Variants in BCHE observed in about 807,000 individuals in gnomAD.
BCHE encodes the protein cholinesterase.
A neutral mutation model predicts 51.3 loss-of-function variants in BCHE; 48 were observed. The observed-to-expected ratio is 0.94, with a 90% CI of 0.74 to 1.19. The LOEUF is 1.19. Among genes scored for constraint, BCHE ranks in the 50% most tolerant of loss-of-function variants. BCHE has a pLI of 0.00. For synonymous variants in BCHE, 251 were observed against 238.0 expected (o/e 1.05, Z -0.50); for missense variants, 847 against 708.2 (o/e 1.20, Z -2.23).
chr3:165,837,264 T>C (rs1165506666), intron 1 of BCHE, 50 bp downstream of exon 1: 4 of 1,151,790 alleles, frequency 3.5e-6, no homozygotes, highest in Non-Finnish European at 3.5e-6. Context: ...AGAATGAGCT[T>C]TACAGTAACT....
In BCHE at chr3:165,773,249, G is replaced by T; in HGVS notation, c.*133C>A. ...GTAAAATACTAAGTTAAAGATGTGA[G>T]GAATCAATATTATCCTTCTGGCATT... On this transcript the variant is annotated 3_prime_UTR_variant, in exon 4 of 4. Coordinates refer to ENST00000264381, the MANE Select transcript of BCHE (RefSeq NM_000055.4). 1 of 787,998 alleles carries T rather than the reference G, an allele frequency of 1.3e-6. No homozygotes were observed. Among genetic ancestry groups the T allele is most frequent in the Non-Finnish European group, 2.0e-6 (1 of 500,354 alleles). 48.8% of individuals were successfully genotyped at this position (787,998 alleles called of 1,614,324 possible).
chr3:165,796,445 A>T (rs1212045686), intron 2 of BCHE, among the ~76,000 whole-genome samples: 2 of 152,310 alleles, frequency 1.3e-5, no homozygotes, highest in South Asian at 2.1e-4. Context: ...TTTTATTACT[A>T]GATCCTAATG....
At chr3:165,798,735 G>A (rs1713523240) in intron 2 of BCHE, among the ~76,000 whole-genome samples, 1 of 152,006 alleles carries the variant, frequency 6.6e-6, no homozygotes, top group Non-Finnish European at 1.5e-5. Flanking sequence ...TATAATCCTA[G>A]CTACTTGGGA....
intron 2 of BCHE, among the ~76,000 whole-genome samples, chr3:165,828,397 T>C (rs1409741730): frequency 3.3e-5 from 5 of 152,072 alleles, no homozygotes; most frequent in Admixed American, 1.3e-4. Flanking sequence ...GGTGGAAGAA[T>C]TATAACTTTA....
chr3:165,790,641 C>T (rs1302961896), intron 2 of BCHE, among the ~76,000 whole-genome samples: 1 of 152,060 alleles, frequency 6.6e-6, no homozygotes, highest in Non-Finnish European at 1.5e-5. Flanking sequence ...GGACCAATTT[C>T]GAAGACTGGA....
intron 2 of BCHE, among the ~76,000 whole-genome samples, chr3:165,811,439 T>TGC (rs1329664139): frequency 6.6e-6 from 1 of 151,040 alleles, no homozygotes; most frequent in Admixed American, 6.6e-5. Context: ...TGTAAGTGTG[T>TGC]GTGTGGAATG....
chr3:165,773,885 T>C (rs142428461), intron 3 of BCHE, among the ~76,000 whole-genome samples: 3 of 152,202 alleles, frequency 2.0e-5, no homozygotes, highest in East Asian at 3.9e-4. Context: ...AATGGTCTCA[T>C]TTACATATAT....
intron 2 of BCHE, among the ~76,000 whole-genome samples, chr3:165,812,204 A>G (rs1204557388): frequency 6.6e-6 from 1 of 151,998 alleles, no homozygotes; most frequent in Admixed American, 6.6e-5. Context: ...GAAGTACTAA[A>G]AATACTATTA....
At chr3:165,824,267 T>C (rs1263531050) in intron 2 of BCHE, among the ~76,000 whole-genome samples, 1 of 151,898 alleles carries the variant, frequency 6.6e-6, no homozygotes, top group African/African-American at 2.4e-5. Flanking sequence ...ATTGTTTTAA[T>C]ATAATTCACC....
intron 2 of BCHE, among the ~76,000 whole-genome samples, chr3:165,795,336 C>T (rs1360942485): frequency 1.3e-5 from 2 of 152,062 alleles, no homozygotes; most frequent in Non-Finnish European, 2.9e-5. Flanking sequence ...TTTTCCAAGG[C>T]CCACTTATAT....
At chr3:165,828,688 C>T (rs553787287) in intron 2 of BCHE, among the ~76,000 whole-genome samples, 1 of 151,764 alleles carries the variant, frequency 6.6e-6, no homozygotes, top group Non-Finnish European at 1.5e-5. Flanking sequence ...GTGCAATTTA[C>T]TCCCATGTAT....
chr3:165,837,026 T>C (rs1715213768), intron 1 of BCHE, among the ~76,000 whole-genome samples: 2 of 152,290 alleles, frequency 1.3e-5, no homozygotes, highest in South Asian at 4.1e-4. Flanking sequence ...TAAGAATATA[T>C]ATCACAGTGA....
At chr3:165,804,282 G>A (rs1713786729) in intron 2 of BCHE, among the ~76,000 whole-genome samples, 1 of 152,178 alleles carries the variant, frequency 6.6e-6, no homozygotes, top group African/African-American at 2.4e-5. Context: ...GCAATTGGTA[G>A]AGGTAAATTA....
At chr3:165,796,814 T>G (rs1266485118) in intron 2 of BCHE, among the ~76,000 whole-genome samples, 1 of 152,166 alleles carries the variant, frequency 6.6e-6, no homozygotes, top group Non-Finnish European at 1.5e-5. Context: ...TTTTAGTAAT[T>G]TCTTTGTATT....
chr3:165,816,564 T>C (rs956967070), intron 2 of BCHE, among the ~76,000 whole-genome samples: 12 of 152,074 alleles, frequency 7.9e-5, no homozygotes, highest in Non-Finnish European at 1.5e-4. Flanking sequence ...ATTAAGGTTT[T>C]AGTTCCCACC....
chr3:165,782,115 C>CAT (rs1403625168), intron 3 of BCHE, among the ~76,000 whole-genome samples: 1 of 151,908 alleles, frequency 6.6e-6, no homozygotes, highest in Non-Finnish European at 1.5e-5. Context: ...GAATATATCA[C>CAT]ATATATATAT....
chr3:165,790,665 C>G (rs1374595797), intron 2 of BCHE, among the ~76,000 whole-genome samples: 4 of 152,144 alleles, frequency 2.6e-5, no homozygotes, highest in Non-Finnish European at 5.9e-5. Flanking sequence ...TTAAACTTGA[C>G]TTTCTCTAAC....
intron 2 of BCHE, among the ~76,000 whole-genome samples, chr3:165,793,146 A>T (rs1239556254): frequency 1.3e-5 from 2 of 152,104 alleles, no homozygotes; most frequent in Non-Finnish European, 2.9e-5. Flanking sequence ...TCTTCTAGTA[A>T]TTTTATGGCT....
chr3:165,781,850 A>G (rs1157398424), intron 3 of BCHE, among the ~76,000 whole-genome samples: 1 of 152,198 alleles, frequency 6.6e-6, no homozygotes, highest in Non-Finnish European at 1.5e-5. Flanking sequence ...ATGTGGTATG[A>G]AAAATAATAA....
Sources: allele counts gnomAD v4.1 joint callset (sites outside exome capture counted in the v4.1 genomes callset), GRCh38; gene constraint gnomAD v4.1.1; transcripts MANE v1.5; gene names NCBI Gene and HGNC (gene_info 2026-07-23, HGNC 2026-07-21).